The following SVIL variants were observed in gnomAD, a reference collection of about 807,000 sequenced individuals.
SVIL encodes supervillin.
SVIL carries 101 observed loss-of-function variants against 240.4 expected under a neutral mutation model. That is an observed-to-expected ratio of 0.42 (90% CI 0.36 to 0.50). The LOEUF is 0.50. Ranked by LOEUF, SVIL falls within the 20% of genes least tolerant of loss-of-function variation. The pLI is 0.01. For synonymous variants in SVIL, 999 were observed against 1,100.0 expected (o/e 0.91, Z 1.82); for missense variants, 2,512 against 2,818.7 (o/e 0.89, Z 2.46).
At chr10:29,459,728 G>A (rs1219314758) in intron 36 of SVIL, among the ~76,000 whole-genome samples, 1 of 152,144 alleles carries the variant, frequency 6.6e-6, no homozygotes, top group Non-Finnish European at 1.5e-5. Context: ...TGGGTGGGTG[G>A]ATGGTGGGAA....
chr10:29,706,432 TG>T (rs1962896234), intron 1 of SVIL, among the ~76,000 whole-genome samples: 1 of 152,242 alleles, frequency 6.6e-6, no homozygotes, highest in South Asian at 2.1e-4. Flanking sequence ...TTCATATGTT[TG>T]TTGGCTGCAT....
At chr10:29,660,530 C>T (rs1959126527) in intron 2 of SVIL, among the ~76,000 whole-genome samples, 1 of 152,154 alleles carries the variant, frequency 6.6e-6, no homozygotes, top group South Asian at 2.1e-4. Flanking sequence ...ATCGCTTGAG[C>T]CTGGGAGGTG....
intron 1 of SVIL, among the ~76,000 whole-genome samples, chr10:29,725,387 T>A (rs141714829): frequency 6.6e-6 from 1 of 152,000 alleles, no homozygotes; most frequent in African/African-American, 2.4e-5. Context: ...CTGGGTCTTA[T>A]CAGAACCACA....
chr10:29,678,197 C>T (rs1255280874), intron 2 of SVIL, among the ~76,000 whole-genome samples: 3 of 151,822 alleles, frequency 2.0e-5, no homozygotes, highest in Non-Finnish European at 4.4e-5. Flanking sequence ...ATTATTATTA[C>T]ATTGTAATAT....
chr10:29,593,827 G>C (rs1956480017), intron 1 of SVIL, among the ~76,000 whole-genome samples: 2 of 152,194 alleles, frequency 1.3e-5, no homozygotes, highest in East Asian at 3.8e-4. Flanking sequence ...TAGAGACTGA[G>C]AAATGCCCTT....
At chr10:29,723,868 A>C (rs1964129282) in intron 1 of SVIL, among the ~76,000 whole-genome samples, 1 of 152,238 alleles carries the variant, frequency 6.6e-6, no homozygotes, top group East Asian at 1.9e-4. Flanking sequence ...AATGCGTGTG[A>C]ATTTGGCAAC....
chr10:29,656,033 G>A (rs1351223681), intron 3 of SVIL, among the ~76,000 whole-genome samples: 1 of 144,598 alleles, frequency 6.9e-6, no homozygotes, highest in African/African-American at 2.6e-5. Context: ...ACCACGCCCA[G>A]CTAATTTTTG....
chr10:29,472,090 C>T (rs936366902), intron 30 of SVIL, among the ~76,000 whole-genome samples: 2 of 152,082 alleles, frequency 1.3e-5, no homozygotes, highest in Admixed American at 1.3e-4. Flanking sequence ...GCCTGGGTGA[C>T]AGAGTGAGAC....
intron 31 of SVIL, among the ~76,000 whole-genome samples, 190 bp downstream of exon 31, chr10:29,470,948 G>C (rs537702192): frequency 1.3e-5 from 2 of 152,096 alleles, no homozygotes; most frequent in African/African-American, 4.8e-5. Flanking sequence ...GTGAATCCCC[G>C]AGTAAATTCT....
chr10:29,636,658 G>A (rs532283080), upstream of SVIL, among the ~76,000 whole-genome samples: 1 of 152,116 alleles, frequency 6.6e-6, no homozygotes, highest in Admixed American at 6.5e-5. Flanking sequence ...TGGCTTAGAA[G>A]ACTCATCATA....
At position 29,467,745 on chromosome 10, in the gene SVIL, G is replaced by C. The variant is rs1489743658; in HGVS notation, c.5974C>G (p.Gln1992Glu). 3.7e-6 allele frequency: 6 copies of C among 1,613,944 alleles called. No homozygotes were observed. The highest frequency in any genetic ancestry group is 5.1e-6 in the Non-Finnish European group (6 of 1,179,994). The change falls in exon 33 of 38, where the codon CAA becomes GAA. Residue 1992 changes from glutamine (Q) to glutamate (E), a missense_variant. Gln to Glu is a conservative substitution (Grantham distance 29). This residue lies in a region of SVIL where 797 missense variants were observed against 925.3 expected (regional missense o/e 0.86). Coordinates refer to ENST00000355867, the MANE Select transcript of SVIL (RefSeq NM_021738.3). ...RDRKAYDCML[Q>E]DPGSFNFAPR... ...CAGACTGTGGATGCCACATTACCTT[G>C]AAGCATGCAATCGTAGGCTTTCCTG...
intron 1 of SVIL, among the ~76,000 whole-genome samples, chr10:29,596,694 A>G (rs1956605323): frequency 6.6e-6 from 1 of 152,176 alleles, no homozygotes; most frequent in African/African-American, 2.4e-5. Flanking sequence ...ATGGAAACCA[A>G]GTTCCCACCA....
intron 1 of SVIL, among the ~76,000 whole-genome samples, chr10:29,734,376 G>T (rs546220307): frequency 6.6e-6 from 1 of 152,090 alleles, no homozygotes; most frequent in Non-Finnish European, 1.5e-5. Context: ...TCCATAAAGC[G>T]CTCTTCAGTA....
At position 29,704,649 on chromosome 10, in the gene SVIL, A is replaced by G. The variant is rs142319144; in HGVS notation, c.-399-17998T>C. 6.3e-3 allele frequency among the ~76,000 whole-genome samples: 959 copies of G among 152,270 alleles called. 9 individuals carry two copies. The highest frequency in any genetic ancestry group is 0.022 in the African/African-American group (904 of 41,534). On this transcript the variant is annotated intron_variant, in intron 1 of 35. Transcript: ENST00000375400. ...AATTTCTCAGTTTATTGATCATTTG[A>G]TCATTTCCCCCCGCAAATTGTTCCC... is the stretch of plus-strand genomic sequence containing the variant.
intron 29 of SVIL, 76 bp downstream of exon 29, chr10:29,480,461 C>T: frequency 6.4e-7 from 1 of 1,564,394 alleles, no homozygotes. Flanking sequence ...TGACAGGGTT[C>T]ATTGGAGAAG....
At chr10:29,687,501 T>TG (rs1165156758) in intron 1 of SVIL, among the ~76,000 whole-genome samples, 2 of 152,170 alleles carry the variant, frequency 1.3e-5, no homozygotes, top group African/African-American at 4.8e-5. Context: ...AAACCAGCCT[T>TG]GCCAACATGG....
intron 1 of SVIL, among the ~76,000 whole-genome samples, chr10:29,709,583 G>A (rs891975442): frequency 6.6e-6 from 1 of 152,186 alleles, no homozygotes; most frequent in Non-Finnish European, 1.5e-5. Flanking sequence ...CGTGCAGGAG[G>A]AAGCGACTTT....
At chr10:29,670,445 G>C (rs1158920264) in intron 2 of SVIL, among the ~76,000 whole-genome samples, 7 of 152,198 alleles carry the variant, frequency 4.6e-5, no homozygotes, top group Admixed American at 3.9e-4. Flanking sequence ...TGTCAGCCAG[G>C]TTGCAGAGTG....
At chr10:29,562,717 T>C (rs61846630) in intron 3 of SVIL, among the ~76,000 whole-genome samples, 74,482 of 145,652 alleles carry the variant, frequency 0.51, 18,649 homozygotes, top group Admixed American at 0.59. Flanking sequence ...GCCGACATTG[T>C]GCCATTGCAC....
Sources: gnomAD v4.1 joint callset for allele counts (sites outside exome capture counted in the v4.1 genomes callset) on GRCh38, gnomAD v4.1.1 for gene constraint, gnomAD v4.1.1 regional missense constraint, MANE v1.5 for transcripts, NCBI Gene and HGNC (gene_info 2026-07-23, HGNC 2026-07-21) for gene names.